Variants in MAP2K2 observed in about 807,000 individuals in gnomAD.
MAP2K2 encodes dual specificity mitogen-activated protein kinase kinase 2.
A neutral mutation model predicts 43.7 loss-of-function variants in MAP2K2; 24 were observed. The observed-to-expected ratio is 0.55, with a 90% CI of 0.40 to 0.77. The LOEUF (loss-of-function observed/expected upper bound fraction) is 0.77, where lower values mean the gene tolerates loss of function less well. MAP2K2 is among the 30% of genes least tolerant of loss of function. The pLI is 0.00. For missense variants in MAP2K2, 470 were observed against 566.8 expected, an observed-to-expected ratio of 0.83 and a Z score of 1.73; for synonymous variants, 244 against 239.7, an observed-to-expected ratio of 1.02 and a Z score of -0.17.
chr19:4,097,170 G>T, intron 8 of MAP2K2, 109 bp downstream of exon 8: 1 of 826,716 alleles, frequency 1.2e-6, no homozygotes, highest in Non-Finnish European at 1.9e-6. Context: ...CTCCAGCCTT[G>T]GTGACTCTTG....
Position 4,099,182 on chromosome 19 carries a change from T to G in MAP2K2, c.919+19A>C, listed in dbSNP as rs757492030. On this transcript the variant is annotated intron_variant, in intron 7 of 10. Coordinates refer to ENST00000262948, the MANE Select transcript of MAP2K2 (RefSeq NM_030662.4). ...GGGCACTGCGCGTCCAGACCGGAAGTTGCAGATTCAGGCCGTACCGCTGAC... is the reference window on the plus strand; with the variant it reads ...GGGCACTGCGCGTCCAGACCGGAAGGTGCAGATTCAGGCCGTACCGCTGAC... The G allele has an allele frequency of 6.3e-7, 1 of 1,587,718 alleles. No individual in the cohort carries two copies. Among genetic ancestry groups the G allele is most frequent in the African/African-American group, 1.3e-5 (1 of 74,686 alleles).
At chr19:4,095,500 C>G (rs529341544) in intron 8 of MAP2K2, 51 bp from the exon 9 acceptor site, 50 of 1,478,928 alleles carry the variant, frequency 3.4e-5, no homozygotes, top group African/African-American at 2.4e-4. Context: ...GTCAGGGACC[C>G]TCGGCTGCAG....
At position 4,099,393 on chromosome 19, in the gene MAP2K2, G is replaced by C. The variant is rs959612485; in HGVS notation, c.727C>G (p.His243Asp). 4.3e-6 allele frequency: 7 copies of C among 1,610,546 alleles called. No individual in the cohort carries two copies. The African/African-American group carries it at 9.3e-5, about 22-fold the overall frequency. Residue 243 changes from histidine (H) to aspartate (D), a missense_variant, in exon 7 of 11, where the codon CAT (histidine) becomes GAT (aspartate). Physicochemically the swap from His to Asp is moderately conservative, Grantham distance 81. Transcript: ENST00000262948. ...YMAPERLQGTHYSVQSDIWSM... is the reference protein window; with the variant it reads ...YMAPERLQGTDYSVQSDIWSM... ...CAGATGTCCGACTGCACCGAGTAATGTGTGCCCTGCAACCGCTCCGGCTGC... is the reference window on the plus strand; with the variant it reads ...CAGATGTCCGACTGCACCGAGTAATCTGTGCCCTGCAACCGCTCCGGCTGC...
chr19:4,097,064 C>A (rs1381033877), intron 8 of MAP2K2, among the ~76,000 whole-genome samples: 1 of 149,442 alleles, frequency 6.7e-6, no homozygotes, highest in Non-Finnish European at 1.5e-5. Context: ...TGTGGTGGTG[C>A]GCACCTGTAA....
Position 4,117,579 on chromosome 19 carries a change from T to C in MAP2K2, c.143A>G (p.Glu48Gly), listed in dbSNP as rs1064793306. Reference protein sequence around the residue: ...QKKLEELELDEQQKKRLEAFL... With the variant: ...QKKLEELELDGQQKKRLEAFL... Reference sequence around the variant, plus strand: ...GGCTTCCAGCCGCTTCTTCTGCTGCTCGTCAAGTTCCAGCTCCTCCAGCTT... The same window carrying C: ...GGCTTCCAGCCGCTTCTTCTGCTGCCCGTCAAGTTCCAGCTCCTCCAGCTT... The change falls in exon 2 of 11, where the codon GAG becomes GGG. Residue 48 changes from glutamate to glycine, a missense_variant. Glu to Gly is a moderately conservative substitution (Grantham distance 98). Transcript: ENST00000262948. 2 of 1,614,070 alleles carry C rather than the reference T, an allele frequency of 1.2e-6. No individual in the cohort carries two copies. The highest frequency in any genetic ancestry group is 1.7e-6 in the Non-Finnish European group (2 of 1,180,050).
At chr19:4,095,931 C>T (rs549208373) in intron 8 of MAP2K2, among the ~76,000 whole-genome samples, 6 of 152,292 alleles carry the variant, frequency 3.9e-5, no homozygotes, top group South Asian at 2.1e-4. Flanking sequence ...CCCACCACTG[C>T]GCCTGGCTAA....
chr19:4,123,582 C>CCTGCCCCGTCCTCCCCCGAGGGCCA, intron 1 of MAP2K2, among the ~76,000 whole-genome samples: 1 of 139,190 alleles, frequency 7.2e-6, no homozygotes, highest in Non-Finnish European at 1.6e-5. Context: ...CCCGAGGGCC[C>CCTGCCCCGTCCTCCCCCGAGGGCCA]CCTGCCCCGT....
intron 8 of MAP2K2, among the ~76,000 whole-genome samples, chr19:4,096,044 G>A (rs1438093947): frequency 6.6e-6 from 1 of 152,220 alleles, no homozygotes; most frequent in East Asian, 1.9e-4. Context: ...CAAAGTGCTG[G>A]AATTACACAC....
chr19:4,118,814 A>G (rs2041259403), intron 1 of MAP2K2, among the ~76,000 whole-genome samples: 2 of 152,226 alleles, frequency 1.3e-5, no homozygotes, highest in Admixed American at 1.3e-4. Context: ...AATTTAAACA[A>G]GCAAGTACAT....
rs867407076 is a variant in MAP2K2 at position 4,123,715 on chromosome 19, G to T, written c.92+69C>A. 39 of 987,980 alleles carry T rather than the reference G, an allele frequency of 3.9e-5. No homozygotes were observed. The Middle Eastern group carries it at 7.6e-4, about 19-fold the overall frequency. The allele number at this position is 987,980 out of a possible 1,614,324, so 61.2% of individuals were successfully genotyped here. On this transcript the variant is annotated intron_variant, in intron 1 of 10. Transcript: ENST00000262948. The stretch of plus-strand genomic sequence containing the variant: ...ACTCCTCGCGAACCCCCGTCCCCTC[G>T]CCCCGTCCTTCCCCGAGGGCTCCCT...
chr19:4,114,887 G>A (rs565136747), intron 2 of MAP2K2, among the ~76,000 whole-genome samples: 125 of 152,214 alleles, frequency 8.2e-4, no homozygotes, highest in Admixed American at 1.3e-3. Context: ...CCGAGATTGT[G>A]CCACTGCACT....
chr19:4,092,720 T>G (rs1465673508), intron 10 of MAP2K2, among the ~76,000 whole-genome samples: 1 of 152,058 alleles, frequency 6.6e-6, no homozygotes, highest in East Asian at 1.9e-4. Context: ...CATCCCCCTA[T>G]GGCACTAGGA....
chr19:4,105,155 C>T (rs970582763), intron 3 of MAP2K2, among the ~76,000 whole-genome samples: 1 of 137,756 alleles, frequency 7.3e-6, no homozygotes, highest in African/African-American at 2.9e-5. Context: ...ACACGTCTAC[C>T]GTGTGTGTGT....
At chr19:4,093,420 G>T (rs993248505) in intron 10 of MAP2K2, among the ~76,000 whole-genome samples, 3 of 151,974 alleles carry the variant, frequency 2.0e-5, no homozygotes, top group East Asian at 1.9e-4. Context: ...ACCAGGTGCG[G>T]TGGCTCACAT....
At chr19:4,104,763 C>T (rs2041062228) in intron 3 of MAP2K2, 1 of 152,278 alleles carries the variant, frequency 6.6e-6, no homozygotes, top group Non-Finnish European at 1.5e-5. Context: ...CGCTGTGCTG[C>T]AGCCTCAGGA....
intron 3 of MAP2K2, among the ~76,000 whole-genome samples, chr19:4,107,195 A>C (rs933933127): frequency 6.6e-6 from 1 of 152,078 alleles, no homozygotes; most frequent in Non-Finnish European, 1.5e-5. Context: ...CAGGAGTTCA[A>C]GATTAGCCTG....
intron 10 of MAP2K2, 141 bp downstream of exon 10, chr19:4,094,312 T>G (rs2040883596): frequency 1.2e-6 from 1 of 859,958 alleles, no homozygotes; most frequent in Non-Finnish European, 1.9e-6. Context: ...GTCCTCGGCG[T>G]GGCCTGGCAC....
intron 1 of MAP2K2, among the ~76,000 whole-genome samples, chr19:4,121,758 A>T: frequency 1.1e-5 from 1 of 88,202 alleles, no homozygotes; most frequent in Non-Finnish European, 2.3e-5. Context: ...ACCCCGCTAA[A>T]GCCCCCCCAT....
chr19:4,095,617 C>G (rs557544568), intron 8 of MAP2K2, among the ~76,000 whole-genome samples, 168 bp from the exon 9 acceptor site: 1 of 152,332 alleles, frequency 6.6e-6, no homozygotes, highest in South Asian at 2.1e-4. Context: ...CTCCCGAAAG[C>G]TCTCGTTTGA....
Sources: gnomAD v4.1 joint callset for allele counts (sites outside exome capture counted in the v4.1 genomes callset) on GRCh38, gnomAD v4.1.1 for gene constraint, MANE v1.5 for transcripts, NCBI Gene and HGNC (gene_info 2026-07-23, HGNC 2026-07-21) for gene names.